XKR6: variants seen among roughly 807,000 people sequenced by gnomAD.
XKR6 encodes the protein XK related 6.
XKR6 carries 22 observed loss-of-function variants against 56.7 expected under a neutral mutation model. That is an observed-to-expected ratio of 0.39 (90% CI 0.28 to 0.55). XKR6 has a LOEUF of 0.55. XKR6 is among the 20% of genes least tolerant of loss of function. XKR6 has a pLI of 0.66. For synonymous variants in XKR6, 524 were observed against 387.8 expected, an observed-to-expected ratio of 1.35 and a Z score of -4.13; for missense variants, 852 against 889.0, an observed-to-expected ratio of 0.96 and a Z score of 0.53.
chr8:11,137,244 G>A (rs774155122), intron 1 of XKR6: 1 of 242,954 alleles, frequency 4.1e-6, no homozygotes, highest in Non-Finnish European at 8.0e-6. Context: ...AGGAAAGCGG[G>A]AGACAGGAAT....
rs11991929 is a variant in XKR6 at position 11,145,994 on chromosome 8, A to C, written c.764+54582T>G. On this transcript the variant is annotated intron_variant, in intron 1 of 2. Coordinates refer to ENST00000416569, the MANE Select transcript of XKR6 (RefSeq NM_173683.4). ...CAGTGTGGTGTGGGCATCGAGATAC[A>C]CAAAAAGGACAATGGAACAGAATCA... Among the ~76,000 whole-genome samples the C allele has an allele frequency of 4.5e-3, 685 of 152,334 alleles. 8 individuals are homozygous for C. The highest frequency in any genetic ancestry group is 0.015 in the African/African-American group (631 of 41,570).
chr8:10,968,239 C>T (rs1802289875), intron 1 of XKR6, among the ~76,000 whole-genome samples: 1 of 152,250 alleles, frequency 6.6e-6, no homozygotes, highest in African/African-American at 2.4e-5. Flanking sequence ...CCTCCGTCCT[C>T]CGTCAGCTGC....
chr8:10,905,426 C>T (rs533726084), intron 2 of XKR6, among the ~76,000 whole-genome samples: 2 of 152,322 alleles, frequency 1.3e-5, no homozygotes, highest in African/African-American at 4.8e-5. Context: ...TTATGGCAGC[C>T]TTTTCCTGCC....
At chr8:11,009,237 A>G (rs1282760827) in intron 1 of XKR6, among the ~76,000 whole-genome samples, 1 of 152,176 alleles carries the variant, frequency 6.6e-6, no homozygotes, top group Non-Finnish European at 1.5e-5. Flanking sequence ...TTGGCCGGGC[A>G]TGGTGACTCA....
At chr8:11,113,196 G>C (rs1278706219) in intron 1 of XKR6, among the ~76,000 whole-genome samples, 2 of 152,108 alleles carry the variant, frequency 1.3e-5, no homozygotes, top group Non-Finnish European at 2.9e-5. Context: ...AAGAAATGAA[G>C]TGGCGTAAAC....
chr8:10,954,940 C>T (rs909951269), intron 1 of XKR6, among the ~76,000 whole-genome samples: 1 of 140,676 alleles, frequency 7.1e-6, no homozygotes, highest in Non-Finnish European at 1.5e-5. Context: ...GCAATCTTGG[C>T]TCACTGCAAT....
intron 1 of XKR6, among the ~76,000 whole-genome samples, chr8:11,187,092 T>A (rs937437061): frequency 5.3e-5 from 8 of 152,230 alleles, no homozygotes; most frequent in African/African-American, 1.7e-4. Flanking sequence ...GTAGCTCAGA[T>A]GATTTATTTA....
intron 1 of XKR6, chr8:11,062,923 TTC>T: frequency 2.2e-6 from 1 of 448,840 alleles, no homozygotes; most frequent in Non-Finnish European, 4.5e-6. Flanking sequence ...TAATTCTCTA[TTC>T]TCTTTCTTCA....
chr8:11,039,557 G>A (rs1799231869), intron 1 of XKR6, among the ~76,000 whole-genome samples: 1 of 152,216 alleles, frequency 6.6e-6, no homozygotes, highest in African/African-American at 2.4e-5. Context: ...GGCCACCAAA[G>A]AACTTGGAAC....
chr8:10,982,104 T>C (rs543145888), intron 1 of XKR6, among the ~76,000 whole-genome samples: 40 of 152,334 alleles, frequency 2.6e-4, no homozygotes, highest in South Asian at 2.5e-3. Context: ...GAAAATGCAA[T>C]CAATGAAGTC....
chr8:10,984,732 C>CTCTCTCTCTCTCTCTCTCTCTCTATA, intron 1 of XKR6, among the ~76,000 whole-genome samples: 2 of 47,492 alleles, frequency 4.2e-5, no homozygotes, highest in Non-Finnish European at 4.2e-5. Context: ...CTCTCTCTCT[C>CTCTCTCTCTCTCTCTCTCTCTCTATA]TATATATATA....
intron 1 of XKR6, among the ~76,000 whole-genome samples, chr8:10,978,469 G>A (rs1487697243): frequency 1.3e-5 from 2 of 152,174 alleles, no homozygotes; most frequent in Non-Finnish European, 2.9e-5. Flanking sequence ...TGTGATGGGG[G>A]AGGGGGAAGA....
intron 2 of XKR6, among the ~76,000 whole-genome samples, chr8:10,910,983 G>A (rs977444762): frequency 3.9e-5 from 6 of 152,124 alleles, no homozygotes; most frequent in African/African-American, 1.4e-4. Context: ...CAGCCCACCA[G>A]GCACAATGCC....
chr8:11,036,334 C>A (rs1296065919), intron 1 of XKR6, among the ~76,000 whole-genome samples: 1 of 152,226 alleles, frequency 6.6e-6, no homozygotes. Context: ...CTCTTCATGT[C>A]TCAGATGAGA....
At chr8:11,111,353 T>G (rs968135827) in intron 1 of XKR6, among the ~76,000 whole-genome samples, 5 of 152,144 alleles carry the variant, frequency 3.3e-5, no homozygotes, top group Non-Finnish European at 5.9e-5. Flanking sequence ...CTGCCCTACA[T>G]AGTAACGTCT....
At chr8:10,915,623 C>T (rs1022164114) in intron 2 of XKR6, among the ~76,000 whole-genome samples, 1 of 152,124 alleles carries the variant, frequency 6.6e-6, no homozygotes. Flanking sequence ...GCAGTGCGAG[C>T]GTTCAAGTCT....
At chr8:10,927,926 C>T (rs528172280) in intron 1 of XKR6, among the ~76,000 whole-genome samples, 14 of 152,170 alleles carry the variant, frequency 9.2e-5, no homozygotes, top group African/African-American at 3.4e-4. Context: ...GCACAGGCAC[C>T]TCTGGGACTG....
At chr8:11,091,434 C>G (rs948254280) in intron 1 of XKR6, among the ~76,000 whole-genome samples, 1 of 80,684 alleles carries the variant, frequency 1.2e-5, no homozygotes, top group East Asian at 2.0e-4. Flanking sequence ...GAGACCCTGA[C>G]TCAAATAAAT....
intron 1 of XKR6, among the ~76,000 whole-genome samples, chr8:11,095,360 T>C (rs571789400): frequency 6.6e-6 from 1 of 152,370 alleles, no homozygotes; most frequent in East Asian, 1.9e-4. Flanking sequence ...TCTAAGTTTT[T>C]TCTTTTTAAG....
Sources: gnomAD v4.1 joint callset for allele counts (sites outside exome capture counted in the v4.1 genomes callset) on GRCh38, gnomAD v4.1.1 for gene constraint, MANE v1.5 for transcripts, NCBI Gene and HGNC (gene_info 2026-07-23, HGNC 2026-07-21) for gene names.